The following GALT variants were observed in gnomAD, a reference collection of about 807,000 sequenced individuals.
GALT encodes galactose-1-phosphate uridylyltransferase, also known as UDP-glucose--hexose-1-phosphate uridylyltransferase.
A neutral mutation model predicts 55.4 loss-of-function variants in GALT; 42 were observed. That is an observed-to-expected ratio of 0.76 (90% CI 0.59 to 0.98). The LOEUF is 0.98. Ranked by LOEUF, GALT falls within the 50% of genes least tolerant of loss-of-function variation. GALT has a pLI of 0.00. For synonymous variants in GALT, 154 were observed against 181.5 expected (o/e 0.85, Z 1.22); for missense variants, 407 against 495.7 (o/e 0.82, Z 1.70).
rs367543254 is a variant in GALT, at chr9:34,647,664, T to C, written c.336T>C (p.Ser112=). The part of the protein sequence containing the change: ...LQPDAPSPGP[S]DHPLFQAKSA... ...GATACTCCTTTACCTCAGGACCCAG[T>C]GATCATCCCCTTTTCCAAGCAAAGT... is the stretch of plus-strand genomic sequence containing the variant. The change falls in exon 4 of 11, where the codon AGT becomes AGC. Residue 112 remains serine, a synonymous_variant. Transcript: ENST00000378842. This position sits in a 1 kb window ranked among gnomAD's most constrained non-coding sequence, Gnocchi z 5.6. The C allele has an allele frequency of 6.2e-7, 1 of 1,614,114 alleles. No individual in the cohort carries two copies. The highest frequency in any genetic ancestry group is 8.5e-7 in the Non-Finnish European group (1 of 1,180,024).
chr9:34,649,441 C>T lies in GALT; in HGVS notation c.936C>T (p.Asn312=), dbSNP rs771975129. ...CCACAGGATCAGAGGCTGGGGCCAA[C>T]TGGAACCATTGGCAGCTGCACGCTC... ...GAPTGSEAGA[N]WNHWQLHAHY... The change falls in exon 10 of 11, where the codon AAC becomes AAT. Residue 312 remains asparagine (N), a synonymous_variant. Coordinates refer to ENST00000378842, the MANE Select transcript of GALT (RefSeq NM_000155.4). 1 of 1,614,210 alleles carries T rather than the reference C, an allele frequency of 6.2e-7. No homozygotes were observed. The highest frequency in any genetic ancestry group is 8.5e-7 in the Non-Finnish European group (1 of 1,180,042).
Position 34,648,388 on chromosome 9 carries a change from C to G in GALT, c.619C>G (p.Gln207Glu), listed in dbSNP as rs111033743. 6 of 1,614,188 alleles carry G rather than the reference C, an allele frequency of 3.7e-6. No homozygotes were observed. The highest frequency in any genetic ancestry group is 5.1e-6 in the Non-Finnish European group (6 of 1,180,036). ...DIAQREERSQ[Q>E]AYKSQHGEPL... ...TGCCCAGCGTGAGGAGCGATCTCAG[C>G]AGGCCTATAAGAGTCAGCATGGAGA... The change falls in exon 7 of 11, where the codon CAG (glutamine) becomes GAG (glutamate). Residue 207 changes from glutamine (Q) to glutamate (E), a missense_variant. Transcript: ENST00000378842. This position sits in a 1 kb window ranked among gnomAD's most constrained non-coding sequence, Gnocchi z 4.9.
intron 1 of GALT, 81 bp downstream of exon 1, chr9:34,646,867 G>A: frequency 6.2e-7 from 1 of 1,609,514 alleles, no homozygotes; most frequent in Non-Finnish European, 8.5e-7. Context: ...CCCCTCCGAA[G>A]GTTGGAACGC....
chr9:34,649,776 C>T, intron 10 of GALT: 1 of 576,182 alleles, frequency 1.7e-6, no homozygotes, highest in Non-Finnish European at 3.1e-6. Flanking sequence ...GGGAACCCAA[C>T]AGTCATGACC....
chr9:34,650,589 T>A lies in GALT; in HGVS notation c.*140T>A. Reference sequence around the variant, plus strand: ...CTGTGCATCTCAAACTTTTATCACATACTCTAATATCAGAGGAGTGTGAAC... The same window carrying A: ...CTGTGCATCTCAAACTTTTATCACAAACTCTAATATCAGAGGAGTGTGAAC... On this transcript the variant is annotated 3_prime_UTR_variant, in exon 11 of 11. Coordinates refer to ENST00000378842, the MANE Select transcript of GALT (RefSeq NM_000155.4). 1.4e-6 allele frequency: 1 copy of A among 697,516 alleles called. No homozygotes were observed. The highest frequency in any genetic ancestry group is 2.5e-6 in the Non-Finnish European group (1 of 398,394). 43.2% of individuals were successfully genotyped at this position (697,516 alleles called of 1,614,324 possible).
At position 34,646,806 on chromosome 9, in the gene GALT, G is replaced by C; in HGVS notation, c.82+20G>C. Reference sequence around the variant, plus strand: ...CAAACGGTAACTGCACCGCGGCAGGGACTCGCTGGGGCGCGGAGCCGAGCC... The same window carrying C: ...CAAACGGTAACTGCACCGCGGCAGGCACTCGCTGGGGCGCGGAGCCGAGCC... On this transcript the variant is annotated intron_variant, in intron 1 of 10. Coordinates refer to ENST00000378842, the MANE Select transcript of GALT (RefSeq NM_000155.4). 6.2e-7 allele frequency: 1 copy of C among 1,613,156 alleles called. No homozygotes were observed. Among genetic ancestry groups the C allele is most frequent in the Non-Finnish European group, 8.5e-7 (1 of 1,179,862 alleles).
In GALT at chr9:34,647,485, T is replaced by C; in HGVS notation, c.253-7T>C. ...AGTGAGTGCTTCTAGCCTATCCTTG[T>C]CGGTAGGTGAATCCCCAGTACGATA... On this transcript the variant is annotated splice_region_variant and splice_polypyrimidine_tract_variant and intron_variant, in intron 2 of 10. Transcript: ENST00000378842. The surrounding 1 kb of genome is among the most constrained non-coding windows in gnomAD (Gnocchi z 5.6). 1.2e-6 allele frequency: 2 copies of C among 1,614,110 alleles called. No individual in the cohort carries two copies. Among genetic ancestry groups the C allele is most frequent in the Middle Eastern group, 1.6e-4 (1 of 6,062 alleles).
rs2132342106 is a variant in GALT at position 34,647,373 on chromosome 9, C to G, written c.252+115C>G. ...TCCTTCTGGGTCATATCCCACCAAG[C>G]TTTTTGGTCCCCTAGGGTGGGCCTT... On this transcript the variant is annotated intron_variant, in intron 2 of 10. Coordinates refer to ENST00000378842, the MANE Select transcript of GALT (RefSeq NM_000155.4). The surrounding 1 kb of genome is among the most constrained non-coding windows in gnomAD (Gnocchi z 5.6). 1 of 1,580,298 alleles carries G rather than the reference C, an allele frequency of 6.3e-7. No homozygotes were observed. The highest frequency in any genetic ancestry group is 2.2e-5 in the East Asian group (1 of 44,698).
intron 9 of GALT, 57 bp from the exon 10 acceptor site, chr9:34,649,353 A>T: frequency 6.2e-7 from 1 of 1,610,772 alleles, no homozygotes; most frequent in Non-Finnish European, 8.5e-7. Flanking sequence ...AGTAGGTGCT[A>T]ACCTGGATAA....
chr9:34,648,669 AC>A lies in GALT; in HGVS notation c.688-92del. On this transcript the variant is annotated intron_variant, in intron 7 of 10. Coordinates refer to ENST00000378842, the MANE Select transcript of GALT (RefSeq NM_000155.4). This position sits in a 1 kb window ranked among gnomAD's most constrained non-coding sequence, Gnocchi z 4.9. ...GGTGAGAAGACATCAGATCCTGGGCACATTCTTTTCTTCTGCTTCCCTTGCC... is the reference window on the plus strand; with the variant it reads ...GGTGAGAAGACATCAGATCCTGGGCAATTCTTTTCTTCTGCTTCCCTTGCC... The A allele has an allele frequency of 6.5e-7, 1 of 1,549,624 alleles. No homozygotes were observed. The highest frequency in any genetic ancestry group is 1.1e-5 in the South Asian group (1 of 89,570).
At chr9:34,646,809 T>G in intron 1 of GALT, 23 bp downstream of exon 1, 1 of 1,613,096 alleles carries the variant, frequency 6.2e-7, no homozygotes, top group Non-Finnish European at 8.5e-7. Context: ...CGGCAGGGAC[T>G]CGCTGGGGCG....
chr9:34,647,588 G>A lies in GALT; in HGVS notation c.328+21G>A. The A allele has an allele frequency of 6.2e-7, 1 of 1,614,166 alleles. No individual in the cohort carries two copies. Among genetic ancestry groups the A allele is most frequent in the South Asian group, 1.1e-5 (1 of 91,080 alleles). Reference sequence around the variant, plus strand: ...TCCAGGTAACCTGGCTCCAACTGCTGCTGGGGAGGAGGGTGGCTAGACCTC... The same window carrying A: ...TCCAGGTAACCTGGCTCCAACTGCTACTGGGGAGGAGGGTGGCTAGACCTC... On this transcript the variant is annotated intron_variant, in intron 3 of 10. Coordinates refer to ENST00000378842, the MANE Select transcript of GALT (RefSeq NM_000155.4). The surrounding 1 kb of genome is among the most constrained non-coding windows in gnomAD (Gnocchi z 5.6).
rs755000603 is a variant in GALT, at chr9:34,648,432, C to T, written c.663C>T (p.Tyr221=). 9 of 1,614,172 alleles carry T rather than the reference C, an allele frequency of 5.6e-6. No homozygotes were observed. Among genetic ancestry groups the T allele is most frequent in the South Asian group, 1.1e-5 (1 of 91,080 alleles). The part of the protein sequence containing the change: ...SQHGEPLLME[Y]SRQELLRKER... ...ATGGAGAGCCCCTGCTAATGGAGTACAGCCGCCAGGAGCTACTCAGGAAGG... is the reference window on the plus strand; with the variant it reads ...ATGGAGAGCCCCTGCTAATGGAGTATAGCCGCCAGGAGCTACTCAGGAAGG... Residue 221 remains tyrosine, a synonymous_variant, in exon 7 of 11, where the codon TAC becomes TAT. Coordinates refer to ENST00000378842, the MANE Select transcript of GALT (RefSeq NM_000155.4). This position sits in a 1 kb window ranked among gnomAD's most constrained non-coding sequence, Gnocchi z 4.9.
Position 34,648,203 on chromosome 9 carries a change from T to C in GALT, c.564+32T>C, listed in dbSNP as rs111033733. 7 of 1,613,936 alleles carry C rather than the reference T, an allele frequency of 4.3e-6. No homozygotes were observed. In the South Asian group the frequency reaches 6.6e-5, roughly 15 times the overall value. On this transcript the variant is annotated intron_variant, in intron 6 of 10. Coordinates refer to ENST00000378842, the MANE Select transcript of GALT (RefSeq NM_000155.4). The surrounding 1 kb of genome is among the most constrained non-coding windows in gnomAD (Gnocchi z 4.9). ...GTGTCAGGGGCTCCAGTGGGTTTCT[T>C]GGCTGAGTCTGAGCCAGCACTGTGG... is the stretch of plus-strand genomic sequence containing the variant.
Position 34,648,961 on chromosome 9 carries a change from T to C in GALT, c.821-37T>C. On this transcript the variant is annotated intron_variant, in intron 8 of 10. Transcript: ENST00000378842. The surrounding 1 kb of genome is among the most constrained non-coding windows in gnomAD (Gnocchi z 4.9). Reference sequence around the variant, plus strand: ...GAGGTTGCTCCCAGTAGGGTCAGCATCTGGACCCCAGGCTGAGAGTCAGGC... The same window carrying C: ...GAGGTTGCTCCCAGTAGGGTCAGCACCTGGACCCCAGGCTGAGAGTCAGGC... 1 of 1,614,050 alleles carries C rather than the reference T, an allele frequency of 6.2e-7. No homozygotes were observed. Among genetic ancestry groups the C allele is most frequent in the Non-Finnish European group, 8.5e-7 (1 of 1,179,962 alleles).
Position 34,648,258 on chromosome 9 carries a change from G to A in GALT, c.565-76G>A, listed in dbSNP as rs770786546. ...GGGAACAGGATTAATGGATGGGACA[G>A]AGGAAATATGCCAATGATGTGGAGG... On this transcript the variant is annotated intron_variant, in intron 6 of 10. Coordinates refer to ENST00000378842, the MANE Select transcript of GALT (RefSeq NM_000155.4). The surrounding 1 kb of genome is among the most constrained non-coding windows in gnomAD (Gnocchi z 4.9). 20 of 1,613,802 alleles carry A rather than the reference G, an allele frequency of 1.2e-5. No individual in the cohort carries two copies. Among genetic ancestry groups the A allele is most frequent in the Non-Finnish European group, 1.7e-5 (20 of 1,180,032 alleles).
chr9:34,650,783 G>T lies in GALT; in HGVS notation c.*334G>T. On this transcript the variant is annotated 3_prime_UTR_variant, in exon 11 of 11. Coordinates refer to ENST00000378842, the MANE Select transcript of GALT (RefSeq NM_000155.4). The stretch of plus-strand genomic sequence containing the variant: ...TTCTCTTACTCTTGGTGTAATGACA[G>T]CATTCCCAGTTTAGGAAACTGTTTT... 7.6e-6 allele frequency: 2 copies of T among 263,504 alleles called. No homozygotes were observed. Among genetic ancestry groups the T allele is most frequent in the Non-Finnish European group, 1.5e-5 (2 of 136,032 alleles). The allele number at this position is 263,504 out of a possible 1,614,324, so 16.3% of individuals were successfully genotyped here. A position where few individuals can be genotyped will look rare whatever the true frequency, so the allele number is the denominator to read the frequency against.
Position 34,647,175 on chromosome 9 carries a change from G to A in GALT, c.169G>A (p.Val57Met), listed in dbSNP as rs1426479143. ...CATGAAGCGGCCCTGGCAGGGTCAA[G>A]TGGAGCCCCAGCTTCTGAAGACAGT... ...HRMKRPWQGQVEPQLLKTVPR... is the reference protein window; with the variant it reads ...HRMKRPWQGQMEPQLLKTVPR... Residue 57 changes from valine to methionine, a missense_variant, in exon 2 of 11, where the codon GTG becomes ATG. Coordinates refer to ENST00000378842, the MANE Select transcript of GALT (RefSeq NM_000155.4). This position sits in a 1 kb window ranked among gnomAD's most constrained non-coding sequence, Gnocchi z 5.6. 1.2e-6 allele frequency: 2 copies of A among 1,614,202 alleles called. No individual in the cohort carries two copies. The highest frequency in any genetic ancestry group is 3.3e-5 in the Admixed American group (2 of 60,032).
In GALT at chr9:34,647,033, C is replaced by T. The variant is rs1821119974; in HGVS notation, c.83-56C>T. The T allele has an allele frequency of 1.9e-6, 3 of 1,612,710 alleles. No individual in the cohort carries two copies. The highest frequency in any genetic ancestry group is 3.3e-5 in the Admixed American group (2 of 60,026). ...GCTTGGGCCTGCTGGTGGGTGAGAC[C>T]CAGGAGAGAGGGAGCTAGAGAGCTC... On this transcript the variant is annotated intron_variant, in intron 1 of 10. Transcript: ENST00000378842. This position sits in a 1 kb window ranked among gnomAD's most constrained non-coding sequence, Gnocchi z 5.6.
Sources: allele counts gnomAD v4.1 joint callset, GRCh38; gene constraint gnomAD v4.1.1; non-coding constraint Gnocchi (gnomAD v3.1); transcripts MANE v1.5; gene names NCBI Gene and HGNC (gene_info 2026-07-23, HGNC 2026-07-21).